The following PTBP3 variants were observed in gnomAD, a reference collection of about 807,000 sequenced individuals.
PTBP3 encodes polypyrimidine tract-binding protein 3.
PTBP3 carries 20 observed loss-of-function variants against 58.7 expected under a neutral mutation model. The observed-to-expected ratio is 0.34, with a 90% CI of 0.24 to 0.50. PTBP3 has a LOEUF of 0.50. PTBP3 is among the 20% of genes least tolerant of loss of function. The pLI is 0.98. For missense variants in PTBP3, 509 were observed against 637.2 expected, an observed-to-expected ratio of 0.80 and a Z score of 2.17; for synonymous variants, 185 against 219.8, an observed-to-expected ratio of 0.84 and a Z score of 1.40.
chr9:112,320,655 C>A (rs1037480607), intron 1 of PTBP3, among the ~76,000 whole-genome samples: 1 of 151,932 alleles, frequency 6.6e-6, no homozygotes, highest in Non-Finnish European at 1.5e-5. Flanking sequence ...TATAAACCCA[C>A]CGTCATCAAG....
chr9:112,292,941 GCAAA>G, intron 2 of PTBP3, among the ~76,000 whole-genome samples: 1 of 152,110 alleles, frequency 6.6e-6, no homozygotes, highest in East Asian at 1.9e-4. Flanking sequence ...GGGCACACAA[GCAAA>G]CACGGTGAAA....
intron 1 of PTBP3, among the ~76,000 whole-genome samples, chr9:112,318,197 G>T (rs1362129165): frequency 6.6e-6 from 1 of 152,002 alleles, no homozygotes; most frequent in African/African-American, 2.4e-5. Flanking sequence ...GTCAGAAAAA[G>T]AAATAAAGGT....
At chr9:112,286,510 A>G (rs995604566) in intron 2 of PTBP3, among the ~76,000 whole-genome samples, 3 of 152,090 alleles carry the variant, frequency 2.0e-5, no homozygotes, top group African/African-American at 7.2e-5. Context: ...AATTTATCAC[A>G]GAGTACCTTC....
the PTBP3 span, among the ~76,000 whole-genome samples, chr9:112,356,218 A>G: frequency 6.6e-6 from 1 of 152,076 alleles, no homozygotes; most frequent in Non-Finnish European, 1.5e-5. Context: ...ACCTCAGGTG[A>G]TCCACCCGCC....
chr9:112,285,914 T>C (rs1327467079), intron 2 of PTBP3, among the ~76,000 whole-genome samples: 2 of 152,224 alleles, frequency 1.3e-5, no homozygotes, highest in African/African-American at 4.8e-5. Context: ...GTGCTATCTC[T>C]AAATATACTT....
intron 1 of PTBP3, among the ~76,000 whole-genome samples, chr9:112,303,031 A>G (rs933201212): frequency 1.3e-5 from 2 of 152,186 alleles, no homozygotes; most frequent in Non-Finnish European, 2.9e-5. Context: ...CCAATCAACC[A>G]TTAATGTGAA....
chr9:112,333,672 T>G, upstream of PTBP3: 1 of 514,940 alleles, frequency 1.9e-6, no homozygotes, highest in South Asian at 3.7e-5. Context: ...GCCCCCGCCT[T>G]CCCCACCCCG....
chr9:112,264,892 T>C (rs1234515071), intron 4 of PTBP3, among the ~76,000 whole-genome samples: 4 of 152,214 alleles, frequency 2.6e-5, no homozygotes, highest in East Asian at 1.9e-4. Context: ...TCAAGGTTTA[T>C]AGTAACATAT....
chr9:112,370,433 C>A, the PTBP3 span, among the ~76,000 whole-genome samples: 58 of 152,192 alleles, frequency 3.8e-4, no homozygotes, highest in Admixed American at 1.0e-3. Context: ...CCTAGCTACT[C>A]AGGAGGCTGA....
At chr9:112,290,709 C>CAA (rs1326715926) in intron 2 of PTBP3, among the ~76,000 whole-genome samples, 2 of 131,632 alleles carry the variant, frequency 1.5e-5, no homozygotes, top group Non-Finnish European at 3.3e-5. Flanking sequence ...TATATATATA[C>CAA]ACACACACAC....
the PTBP3 span, among the ~76,000 whole-genome samples, chr9:112,378,958 G>C: frequency 1.3e-5 from 2 of 152,154 alleles, no homozygotes; most frequent in Non-Finnish European, 2.9e-5. Context: ...AGGCCGAGGC[G>C]GGCCAATCAT....
intron 2 of PTBP3, among the ~76,000 whole-genome samples, chr9:112,284,550 G>A (rs1828023222): frequency 6.6e-6 from 1 of 152,154 alleles, no homozygotes; most frequent in South Asian, 2.1e-4. Flanking sequence ...ACAAAAATCA[G>A]CCAAGCATGG....
chr9:112,250,157 G>T (rs372659109), intron 7 of PTBP3, among the ~76,000 whole-genome samples: 3 of 151,930 alleles, frequency 2.0e-5, no homozygotes, highest in Non-Finnish European at 4.4e-5. Context: ...AAAACATGAT[G>T]AACTAAATAC....
In PTBP3 at chr9:112,254,211, C is replaced by T. The variant is rs1003674281; in HGVS notation, c.517-1423G>A. ...ATGTTGGCCAGGCTGGTCTCAAACT[C>T]CTGAGCTCAAGTTATCCTCCCATCT... On this transcript the variant is annotated intron_variant, in intron 5 of 13. Coordinates refer to ENST00000374257, the MANE Select transcript of PTBP3 (RefSeq NM_001163788.4). Among the ~76,000 whole-genome samples, 6 of 152,042 alleles carry T rather than the reference C, an allele frequency of 3.9e-5. No individual in the cohort carries two copies. In the East Asian group the frequency reaches 1.2e-3, roughly 29 times the overall value.
At chr9:112,340,104 G>A in the PTBP3 span, among the ~76,000 whole-genome samples, 1 of 152,088 alleles carries the variant, frequency 6.6e-6, no homozygotes, top group East Asian at 1.9e-4. Flanking sequence ...AGCGGAAACT[G>A]TAGGCATGTT....
intron 2 of PTBP3, among the ~76,000 whole-genome samples, chr9:112,283,085 GA>G (rs1827949048): frequency 6.6e-6 from 1 of 152,180 alleles, no homozygotes; most frequent in Non-Finnish European, 1.5e-5. Context: ...CCTGCCATGT[GA>G]AACTATGAGT....
chr9:112,351,070 C>A, the PTBP3 span, among the ~76,000 whole-genome samples: 1 of 152,214 alleles, frequency 6.6e-6, no homozygotes, highest in Admixed American at 6.5e-5. Context: ...CAGGCATGAG[C>A]CACCGTGCCT....
At chr9:112,301,098 T>C (rs1227367883) in intron 1 of PTBP3, among the ~76,000 whole-genome samples, 1 of 152,036 alleles carries the variant, frequency 6.6e-6, no homozygotes, top group Non-Finnish European at 1.5e-5. Context: ...GAAGAAAGTA[T>C]TTACAAGTCA....
At chr9:112,376,410 C>T in the PTBP3 span, among the ~76,000 whole-genome samples, 4 of 151,676 alleles carry the variant, frequency 2.6e-5, no homozygotes, top group Admixed American at 6.6e-5. Flanking sequence ...TGTGCTACCA[C>T]GCCCAGCTAC....
Sources: gnomAD v4.1 joint callset for allele counts (sites outside exome capture counted in the v4.1 genomes callset) on GRCh38, gnomAD v4.1.1 for gene constraint, MANE v1.5 for transcripts, NCBI Gene and HGNC (gene_info 2026-07-23, HGNC 2026-07-21) for gene names.